Variants in NAB1 observed in about 807,000 individuals in gnomAD.
The protein encoded by NAB1 is NGFI-A binding protein 1.
A neutral mutation model predicts 49.9 loss-of-function variants in NAB1; 25 were observed. That is an observed-to-expected ratio of 0.50 (90% CI 0.37 to 0.70). The LOEUF (loss-of-function observed/expected upper bound fraction) is 0.70. Among genes scored for constraint, NAB1 ranks in the 30% least tolerant of loss-of-function variants. The pLI, the probability that NAB1 is intolerant of heterozygous loss-of-function variation, is 0.00. For synonymous variants in NAB1, 198 were observed against 215.6 expected, an observed-to-expected ratio of 0.92 and a Z score of 0.71; for missense variants, 489 against 575.9, an observed-to-expected ratio of 0.85 and a Z score of 1.54.
chr2:190,673,513 T>C (rs12612719), intron 6 of NAB1, among the ~76,000 whole-genome samples: 28,526 of 152,100 alleles, frequency 0.19, 3,192 homozygotes, highest in East Asian at 0.37. Context: ...CAGGAAATTC[T>C]TAAAAGAAAA....
In NAB1 at chr2:190,687,307, C is replaced by T. The variant is rs1444348233; in HGVS notation, c.1365C>T (p.Ser455=). Reference sequence around the variant, plus strand: ...GACTTTACCCCAGTGAGGCAAAGTCCCACTCATCAGGTGAGAACGTGCTAT... The same window carrying T: ...GACTTTACCCCAGTGAGGCAAAGTCTCACTCATCAGGTGAGAACGTGCTAT... ...LSRLYPSEAK[S]HSSESLGILK... Residue 455 remains serine (S), a synonymous_variant, in exon 9 of 10, where the codon TCC becomes TCT. Transcript: ENST00000337386. 6.3e-7 allele frequency: 1 copy of T among 1,578,468 alleles called. No individual in the cohort carries two copies. The highest frequency in any genetic ancestry group is 1.8e-5 in the Admixed American group (1 of 54,082).
intron 4 of NAB1, among the ~76,000 whole-genome samples, chr2:190,661,521 CAAAGTA>C (rs1271908802): frequency 1.3e-5 from 2 of 151,964 alleles, no homozygotes; most frequent in East Asian, 1.9e-4. Flanking sequence ...TGTTTTTTAT[CAAAGTA>C]AAAGTATTTC....
intron 2 of NAB1, among the ~76,000 whole-genome samples, chr2:190,650,634 T>A (rs1693615054): frequency 6.6e-6 from 1 of 152,148 alleles, no homozygotes; most frequent in East Asian, 1.9e-4. Context: ...ATGCATAGGA[T>A]TTGCTTTTTC....
rs947208744 is a variant in NAB1, at chr2:190,669,615, A to T, written c.820-711A>T. On this transcript the variant is annotated intron_variant, in intron 4 of 9. Coordinates refer to ENST00000337386, the MANE Select transcript of NAB1 (RefSeq NM_005966.4). The surrounding 1 kb of genome is among the most constrained non-coding windows in gnomAD (Gnocchi z 4.3). The stretch of plus-strand genomic sequence containing the variant: ...CTGATATACCTCTTGACAGTTTCCT[A>T]TATCTATTGACAAAATTATGTGAAA... Among the ~76,000 whole-genome samples, 1 of 152,196 alleles carries T rather than the reference A, an allele frequency of 6.6e-6. No individual in the cohort carries two copies. Among genetic ancestry groups the T allele is most frequent in the Non-Finnish European group, 1.5e-5 (1 of 68,024 alleles).
At chr2:190,690,188 G>C in intron 9 of NAB1, 57 bp from the exon 10 acceptor site, 1 of 1,219,042 alleles carries the variant, frequency 8.2e-7, no homozygotes, top group Non-Finnish European at 1.2e-6. Flanking sequence ...AACTTTGTTT[G>C]ATTTTTGTAG....
intron 4 of NAB1, among the ~76,000 whole-genome samples, chr2:190,662,257 A>G (rs1389173845): frequency 6.6e-6 from 1 of 152,186 alleles, no homozygotes; most frequent in South Asian, 2.1e-4. Context: ...GTTTTTTTCA[A>G]CTGTTCAAGT....
Position 190,674,879 on chromosome 2 carries a change from T to C in NAB1, c.1005+1727T>C, listed in dbSNP as rs186517905. Among the ~76,000 whole-genome samples the C allele has an allele frequency of 4.0e-3, 610 of 152,318 alleles. 3 individuals are homozygous for C. The highest frequency in any genetic ancestry group is 0.014 in the African/African-American group (590 of 41,560). ...CAGCCTGGGCAACATGGGGAGACCC[T>C]GTCTCTACCCCCAAAAAAGTACTTA... On this transcript the variant is annotated intron_variant, in intron 6 of 9. Coordinates refer to ENST00000337386, the MANE Select transcript of NAB1 (RefSeq NM_005966.4). This position sits in a 1 kb window ranked among gnomAD's most constrained non-coding sequence, Gnocchi z 5.7.
chr2:190,656,713 G>A (rs1212451889), intron 3 of NAB1, among the ~76,000 whole-genome samples: 1 of 152,002 alleles, frequency 6.6e-6, no homozygotes, highest in Non-Finnish European at 1.5e-5. Context: ...TAAAATCATT[G>A]CCTTATCTCA....
At chr2:190,683,365 C>T (rs1316094516) in intron 6 of NAB1, among the ~76,000 whole-genome samples, 4 of 134,378 alleles carry the variant, frequency 3.0e-5, no homozygotes, top group African/African-American at 8.7e-5. Context: ...AGGCTGGTCT[C>T]GAACTCCTGA....
rs1693511908 is a variant in NAB1, at chr2:190,649,206, C to G, written c.-488C>G. On this transcript the variant is annotated 5_prime_UTR_variant, in exon 1 of 10. Coordinates refer to ENST00000337386, the MANE Select transcript of NAB1 (RefSeq NM_005966.4). This position sits in a 1 kb window ranked among gnomAD's most constrained non-coding sequence, Gnocchi z 6.1. The stretch of plus-strand genomic sequence containing the variant: ...CCGAGGTGGGGGGGAGCAGAGAGAG[C>G]GCGCCCACCACCTTCCCTTCCCCCC... 6.6e-6 allele frequency: 1 copy of G among 151,356 alleles called. No individual in the cohort carries two copies. The highest frequency in any genetic ancestry group is 2.4e-5 in the African/African-American group (1 of 41,290). The allele number at this position is 151,356 out of a possible 1,614,324, so 9.4% of individuals were successfully genotyped here.
Position 190,669,781 on chromosome 2 carries a change from G to A in NAB1, c.820-545G>A, listed in dbSNP as rs2125713707. Among the ~76,000 whole-genome samples, 1 of 152,286 alleles carries A rather than the reference G, an allele frequency of 6.6e-6. No homozygotes were observed. Among genetic ancestry groups the A allele is most frequent in the East Asian group, 1.9e-4 (1 of 5,192 alleles). ...TATGAAAGGGTGGTAGAATTAGATGGATCTTAGAGATTAGTCCAACACCTT... is the reference window on the plus strand; with the variant it reads ...TATGAAAGGGTGGTAGAATTAGATGAATCTTAGAGATTAGTCCAACACCTT... On this transcript the variant is annotated intron_variant, in intron 4 of 9. Coordinates refer to ENST00000337386, the MANE Select transcript of NAB1 (RefSeq NM_005966.4). This position sits in a 1 kb window ranked among gnomAD's most constrained non-coding sequence, Gnocchi z 4.3.
chr2:190,687,757 T>C (rs1458448661), intron 9 of NAB1, among the ~76,000 whole-genome samples: 2 of 152,220 alleles, frequency 1.3e-5, no homozygotes, highest in African/African-American at 4.8e-5. Context: ...GGAAAACTCA[T>C]GAAAGTTGAG....
At chr2:190,665,911 G>A (rs1462018879) in intron 4 of NAB1, among the ~76,000 whole-genome samples, 1 of 152,104 alleles carries the variant, frequency 6.6e-6, no homozygotes, top group Non-Finnish European at 1.5e-5. Context: ...AGGCATCTTA[G>A]ACTCTTCAAT....
rs1695540218 is a variant in NAB1, at chr2:190,685,063, T to TG, written c.1096-413_1096-412insG. ...CAAACATATTGTCATCATATCAGAGTCTGTGTACTGCCAGATCCTAAAATA... is the reference window on the plus strand; with the variant it reads ...CAAACATATTGTCATCATATCAGAGTGCTGTGTACTGCCAGATCCTAAAATA... On this transcript the variant is annotated intron_variant, in intron 7 of 9. Transcript: ENST00000337386. The surrounding 1 kb of genome is among the most constrained non-coding windows in gnomAD (Gnocchi z 4.5). Among the ~76,000 whole-genome samples, 1 of 152,188 alleles carries TG rather than the reference T, an allele frequency of 6.6e-6. No homozygotes were observed. The highest frequency in any genetic ancestry group is 1.5e-5 in the Non-Finnish European group (1 of 68,032).
chr2:190,660,056 T>G, intron 4 of NAB1, 61 bp downstream of exon 4: 2 of 1,466,552 alleles, frequency 1.4e-6, no homozygotes, highest in Non-Finnish European at 1.9e-6. Flanking sequence ...TCGTTAGAGA[T>G]AAATTTGGTA....
chr2:190,658,670 T>C (rs1694057732), intron 3 of NAB1, among the ~76,000 whole-genome samples: 1 of 152,240 alleles, frequency 6.6e-6, no homozygotes, highest in Non-Finnish European at 1.5e-5. Context: ...ATTTTTTCTC[T>C]ATAAAATGGG....
Position 190,670,219 on chromosome 2 carries a change from G to T in NAB1, c.820-107G>T. ...TACCATTCTGATTTTTATGAATAATGATTCCATTATATAATGGTGTAACAT... is the reference window on the plus strand; with the variant it reads ...TACCATTCTGATTTTTATGAATAATTATTCCATTATATAATGGTGTAACAT... On this transcript the variant is annotated intron_variant, in intron 4 of 9. Transcript: ENST00000337386. This position sits in a 1 kb window ranked among gnomAD's most constrained non-coding sequence, Gnocchi z 5.3. 1 of 1,033,830 alleles carries T rather than the reference G, an allele frequency of 9.7e-7. No homozygotes were observed. 64.0% of individuals were successfully genotyped at this position (1,033,830 alleles called of 1,614,324 possible).
intron 6 of NAB1, among the ~76,000 whole-genome samples, chr2:190,673,554 A>G (rs1055072522): frequency 2.4e-4 from 36 of 152,336 alleles, no homozygotes; most frequent in African/African-American, 8.2e-4. Context: ...AATTTATCAA[A>G]GGTTGATTTG....
chr2:190,656,679 G>A (rs370168119), intron 3 of NAB1, among the ~76,000 whole-genome samples: 11 of 151,970 alleles, frequency 7.2e-5, no homozygotes, highest in Non-Finnish European at 1.3e-4. Flanking sequence ...AGATGAGAAA[G>A]GATAAAACTT....
Sources: gnomAD v4.1 joint callset for allele counts (sites outside exome capture counted in the v4.1 genomes callset) on GRCh38, gnomAD v4.1.1 for gene constraint, Gnocchi (gnomAD v3.1) non-coding constraint, MANE v1.5 for transcripts, NCBI Gene and HGNC (gene_info 2026-07-23, HGNC 2026-07-21) for gene names.